The following LRRC36 variants were observed in gnomAD, a reference collection of about 807,000 sequenced individuals.
LRRC36 encodes the protein leucine-rich repeat-containing protein 36.
In LRRC36, 62 loss-of-function variants were observed where a neutral mutation model predicts 81.1. The ratio of observed to expected loss-of-function variants is 0.76; its 90% confidence interval spans 0.62 to 0.94. The LOEUF (loss-of-function observed/expected upper bound fraction) is 0.94. Among genes scored for constraint, LRRC36 ranks in the 40% least tolerant of loss-of-function variants. LRRC36 has a pLI of 0.00. For missense variants in LRRC36, 761 were observed against 881.7 expected, an observed-to-expected ratio of 0.86 and a Z score of 1.73; for synonymous variants, 334 against 348.6, an observed-to-expected ratio of 0.96 and a Z score of 0.47.
chr16:67,383,263 A>G lies in LRRC36; in HGVS notation c.2045+1016A>G, dbSNP rs1282912874. ...CCATCCCCAAACCTTCAAGCCTTCT[A>G]CTTCACTTCCTGATTTTCATTTGGT... On this transcript the variant is annotated intron_variant, in intron 13 of 13. Transcript: ENST00000329956. 4.6e-5 allele frequency among the ~76,000 whole-genome samples: 7 copies of G among 152,114 alleles called. No individual in the cohort carries two copies. In the East Asian group the frequency reaches 1.3e-3, roughly 29 times the overall value.
intron 12 of LRRC36, among the ~76,000 whole-genome samples, chr16:67,381,036 A>C (rs1426656795): frequency 2.0e-5 from 3 of 152,002 alleles, no homozygotes; most frequent in Non-Finnish European, 4.4e-5. Flanking sequence ...CCAGCCTGGC[A>C]AACATGGTGA....
intron 5 of LRRC36, among the ~76,000 whole-genome samples, chr16:67,353,380 T>A (rs2038746984): frequency 6.6e-6 from 1 of 152,100 alleles, no homozygotes; most frequent in African/African-American, 2.4e-5. Flanking sequence ...TTTTTGTTTT[T>A]GTTTTTGTTT....
At chr16:67,356,821 G>C (rs2038925679) in intron 5 of LRRC36, among the ~76,000 whole-genome samples, 1 of 152,152 alleles carries the variant, frequency 6.6e-6, no homozygotes, top group Admixed American at 6.5e-5. Context: ...CATAGTTGAG[G>C]GGAAAAGGTA....
chr16:67,378,322 C>G (rs372746655), intron 11 of LRRC36, among the ~76,000 whole-genome samples: 4 of 148,542 alleles, frequency 2.7e-5, no homozygotes, highest in African/African-American at 1.0e-4. Context: ...TCACTGCAAC[C>G]TCCGCCTCCC....
intron 4 of LRRC36, among the ~76,000 whole-genome samples, chr16:67,347,825 C>G (rs1483724523): frequency 6.6e-6 from 1 of 152,126 alleles, no homozygotes; most frequent in Non-Finnish European, 1.5e-5. Flanking sequence ...TAGAAATTCT[C>G]TAAAGTTGTT....
At chr16:67,374,285 T>C (rs931975964) in intron 9 of LRRC36, among the ~76,000 whole-genome samples, 1 of 151,720 alleles carries the variant, frequency 6.6e-6, no homozygotes, top group Non-Finnish European at 1.5e-5. Context: ...CCCATTTGTT[T>C]TATAAAATAT....
At chr16:67,333,970 G>A (rs1311284553) in intron 1 of LRRC36, among the ~76,000 whole-genome samples, 1 of 151,906 alleles carries the variant, frequency 6.6e-6, no homozygotes, top group African/African-American at 2.4e-5. Flanking sequence ...CTCATTTTTT[G>A]TGTTGTACAG....
In LRRC36 at chr16:67,376,867, G is replaced by A. The variant is rs753058742; in HGVS notation, c.1801G>A (p.Asp601Asn). Reference sequence around the variant, plus strand: ...GGAGGCTGCGCAGCTGGTCCCTAATGACATGGTATGCCCCTCTCATCTCCC... The same window carrying A: ...GGAGGCTGCGCAGCTGGTCCCTAATAACATGGTATGCCCCTCTCATCTCCC... ...LKEAAQLVPN[D>N]MESLKQKLVR... The change falls in exon 11 of 14, where the codon GAC (aspartate) becomes AAC (asparagine). Residue 601 changes from aspartate (D) to asparagine (N), a missense_variant. By Grantham distance (23) the Asp-to-Asn change is conservative. Coordinates refer to ENST00000329956, the MANE Select transcript of LRRC36 (RefSeq NM_018296.6). 6.2e-7 allele frequency: 1 copy of A among 1,611,784 alleles called. No homozygotes were observed. Among genetic ancestry groups the A allele is most frequent in the African/African-American group, 1.3e-5 (1 of 75,006 alleles).
intron 1 of LRRC36, among the ~76,000 whole-genome samples, chr16:67,335,819 A>G (rs7200755): frequency 0.22 from 32,952 of 149,210 alleles, 7,205 homozygotes; most frequent in African/African-American, 0.57. Flanking sequence ...GGCAGCCTCC[A>G]CCTCCCGGGT....
intron 8 of LRRC36, among the ~76,000 whole-genome samples, chr16:67,370,037 G>T (rs990502865): frequency 5.9e-5 from 9 of 152,164 alleles, no homozygotes; most frequent in African/African-American, 2.2e-4. Context: ...GAAAACTGAT[G>T]ATGCCAGGGA....
At chr16:67,354,205 C>T (rs563874702) in intron 5 of LRRC36, among the ~76,000 whole-genome samples, 8 of 152,180 alleles carry the variant, frequency 5.3e-5, no homozygotes, top group African/African-American at 9.6e-5. Flanking sequence ...ATGCTGTCCC[C>T]CTGCTTGTAA....
chr16:67,352,104 G>T (rs377552147), intron 5 of LRRC36, among the ~76,000 whole-genome samples: 2 of 152,176 alleles, frequency 1.3e-5, no homozygotes, highest in East Asian at 1.9e-4. Context: ...CAATTAAAAA[G>T]TCTGAAAGTG....
At chr16:67,334,917 T>C (rs2037684766) in intron 1 of LRRC36, among the ~76,000 whole-genome samples, 1 of 152,012 alleles carries the variant, frequency 6.6e-6, no homozygotes, top group South Asian at 2.1e-4. Context: ...TTATTAGTGA[T>C]TTTCAAAAGG....
chr16:67,375,670 A>G (rs933202026), intron 10 of LRRC36, among the ~76,000 whole-genome samples: 1 of 152,228 alleles, frequency 6.6e-6, no homozygotes, highest in Non-Finnish European at 1.5e-5. Flanking sequence ...AGTCTTTGGT[A>G]ATATATAGAG....
chr16:67,347,961 T>C (rs765642821), intron 4 of LRRC36, among the ~76,000 whole-genome samples: 5 of 152,170 alleles, frequency 3.3e-5, no homozygotes, highest in Non-Finnish European at 7.3e-5. Flanking sequence ...TACATTACCA[T>C]GGGCAAGATT....
At chr16:67,361,505 C>CT (rs1491217307) in intron 5 of LRRC36, among the ~76,000 whole-genome samples, 1 of 151,960 alleles carries the variant, frequency 6.6e-6, no homozygotes, top group Non-Finnish European at 1.5e-5. Flanking sequence ...AAATTTATCA[C>CT]TTTTTTGTGA....
chr16:67,381,092 C>T (rs940892550), intron 12 of LRRC36, among the ~76,000 whole-genome samples: 59 of 152,078 alleles, frequency 3.9e-4, no homozygotes, highest in African/African-American at 1.3e-3. Flanking sequence ...GGCGTGGTGG[C>T]ATGTGCCTAT....
intron 6 of LRRC36, 34 bp from the exon 7 acceptor site, chr16:67,365,270 C>T: frequency 1.3e-6 from 2 of 1,514,604 alleles, no homozygotes; most frequent in South Asian, 1.1e-5. Flanking sequence ...CGCGCATGGA[C>T]TTCCTTCTAC....
chr16:67,348,050 A>G (rs114431767), intron 4 of LRRC36, among the ~76,000 whole-genome samples: 1 of 152,240 alleles, frequency 6.6e-6, no homozygotes, highest in Non-Finnish European at 1.5e-5. Flanking sequence ...TTGAGGCTCT[A>G]AAATTTCTGA....
Sources: gnomAD v4.1 joint callset for allele counts (sites outside exome capture counted in the v4.1 genomes callset) on GRCh38, gnomAD v4.1.1 for gene constraint, MANE v1.5 for transcripts, NCBI Gene and HGNC (gene_info 2026-07-23, HGNC 2026-07-21) for gene names.